CLCN2: variants seen among roughly 807,000 people sequenced by gnomAD.
The protein encoded by CLCN2 is chloride channel protein 2.
Under a neutral mutation model 108.3 loss-of-function variants are expected in CLCN2, and 72 were observed. The ratio of observed to expected loss-of-function variants is 0.66; its 90% CI spans 0.55 to 0.81. The LOEUF (loss-of-function observed/expected upper bound fraction) is 0.81, where lower values mean the gene tolerates loss of function less well. CLCN2 is among the 30% of genes least tolerant of loss of function. The pLI is 0.00. For missense variants in CLCN2, 1,048 were observed against 1,205.2 expected (o/e 0.87, Z 1.93); for synonymous variants, 471 against 467.1 (o/e 1.01, Z -0.11).
chr3:184,350,824 A>G (rs887290155), intron 22 of CLCN2, among the ~76,000 whole-genome samples: 1 of 152,192 alleles, frequency 6.6e-6, no homozygotes, highest in Non-Finnish European at 1.5e-5. Context: ...GAGGATCGCA[A>G]TATCTAAGTG....
intron 22 of CLCN2, among the ~76,000 whole-genome samples, chr3:184,351,487 C>T (rs921394983): frequency 2.0e-5 from 3 of 152,198 alleles, no homozygotes; most frequent in South Asian, 2.1e-4. Flanking sequence ...AGTTTTCCTT[C>T]GGCCCACATT....
intron 10 of CLCN2, 181 bp downstream of exon 10, chr3:184,356,812 C>A (rs1448683718): frequency 6.3e-6 from 4 of 630,794 alleles, no homozygotes; most frequent in Non-Finnish European, 1.1e-5. Context: ...TTAAAAATGC[C>A]AATTTTCAGG....
rs1370370740 is a variant in CLCN2 at position 184,352,457 on chromosome 3, G to A, written c.2257C>T (p.Arg753Ter). The A allele has an allele frequency of 6.8e-6, 11 of 1,613,274 alleles. No homozygotes were observed. Among genetic ancestry groups the A allele is most frequent in the South Asian group, 2.2e-5 (2 of 90,990 alleles). Residue 753 changes from arginine to a stop codon, truncating the protein, a stop_gained, in exon 20 of 24, where the codon CGA becomes TGA. Transcript: ENST00000265593. LOFTEE classifies it high-confidence loss of function. The part of the protein sequence containing the change: ...SCEKRKLKRV[R>*]ISLASDADLE... Reference sequence around the variant, plus strand: ...GGCATACTTACTGCCAGGGAGATTCGGACACGCTTCAGCTTGCGCTTCTCA... The same window carrying A: ...GGCATACTTACTGCCAGGGAGATTCAGACACGCTTCAGCTTGCGCTTCTCA...
At chr3:184,351,888 C>T (rs1168984334) in intron 22 of CLCN2, 125 bp downstream of exon 22, 4 of 782,816 alleles carry the variant, frequency 5.1e-6, no homozygotes, top group Middle Eastern at 3.4e-4. Context: ...AACATCTCCG[C>T]ACTGAGCCAA....
Position 184,355,684 on chromosome 3 carries a change from C to T in CLCN2, c.1170+10G>A. On this transcript the variant is annotated intron_variant, in intron 11 of 23. Coordinates refer to ENST00000265593, the MANE Select transcript of CLCN2 (RefSeq NM_004366.6). This position sits in a 1 kb window ranked among gnomAD's most constrained non-coding sequence, Gnocchi z 6.3. ...GGAAAGCACAAAACTCCTGTTCTGC[C>T]TGTGGTTACCTGTCCAGCCATGAAC... 1 of 1,613,958 alleles carries T rather than the reference C, an allele frequency of 6.2e-7. No homozygotes were observed. Among genetic ancestry groups the T allele is most frequent in the Non-Finnish European group, 8.5e-7 (1 of 1,179,846 alleles).
chr3:184,351,948 G>A (rs1238914897), intron 22 of CLCN2, 65 bp downstream of exon 22: 3 of 1,212,712 alleles, frequency 2.5e-6, no homozygotes, highest in Non-Finnish European at 2.4e-6. Flanking sequence ...AACTTGTAGG[G>A]GGACCAAGAT....
At chr3:184,347,257 G>A (rs551817824) in intron 22 of CLCN2, 36 of 574,528 alleles carry the variant, frequency 6.3e-5, no homozygotes, top group African/African-American at 1.5e-4. Context: ...TTACACTGAC[G>A]GAGAAATAGG....
intron 3 of CLCN2, 150 bp downstream of exon 3, chr3:184,358,532 G>T: frequency 8.4e-7 from 1 of 1,189,430 alleles, no homozygotes; most frequent in Non-Finnish European, 1.2e-6. Context: ...GGGAGTGGCC[G>T]AGATGATGCC....
rs1331258576 is a variant in CLCN2, at chr3:184,357,680, C to T, written c.712G>A (p.Glu238Lys). The T allele has an allele frequency of 1.2e-6, 2 of 1,613,994 alleles. No individual in the cohort carries two copies. Among genetic ancestry groups the T allele is most frequent in the African/African-American group, 1.3e-5 (1 of 74,942 alleles). Residue 238 changes from glutamate to lysine, a missense_variant, in exon 7 of 24, where the codon GAG becomes AAG. Physicochemically the swap from Glu to Lys is moderately conservative, Grantham distance 56 (BLOSUM62 1). Coordinates refer to ENST00000265593, the MANE Select transcript of CLCN2 (RefSeq NM_004366.6). Reference protein sequence around the residue: ...GIYENESRNTEMLAAACAVGV... With the variant: ...GIYENESRNTKMLAAACAVGV... ...ACGGCACAGGCGGCAGCCAGCATCT[C>T]TGTGTTCCGGGATTCATTCTGGCGA... is the stretch of plus-strand genomic sequence containing the variant.
rs370199115 is a variant in CLCN2, at chr3:184,357,839, G to C, written c.633C>G (p.Ile211Met). 7.4e-6 allele frequency: 12 copies of C among 1,613,856 alleles called. No homozygotes were observed. The Admixed American group carries it at 2.0e-4, about 27-fold the overall frequency. Residue 211 changes from isoleucine (I) to methionine (M), a missense_variant, in exon 6 of 24, where the codon ATC becomes ATG. Ile to Met is a conservative substitution (Grantham distance 10). Transcript: ENST00000265593. ...PLGKEGPFVH[I>M]ASMCAALLSK... The stretch of plus-strand genomic sequence containing the variant: ...TGAGAAGGGCAGCACACATGCTTGC[G>C]ATATGCACAAAAGGGCCCTGCGGGG...
chr3:184,354,822 C>T (rs1396832487), intron 13 of CLCN2, 82 bp downstream of exon 13: 1 of 1,519,664 alleles, frequency 6.6e-7, no homozygotes, highest in Non-Finnish European at 9.1e-7. Context: ...CAAAAACCCG[C>T]TCTTGGGCAG....
At chr3:184,356,851 T>C (rs1728590508) in intron 10 of CLCN2, 142 bp downstream of exon 10, 3 of 688,274 alleles carry the variant, frequency 4.4e-6, no homozygotes, top group Admixed American at 2.2e-5. Context: ...AAATGCTCAG[T>C]CAGCCTGGAA....
rs863225248 is a variant in CLCN2, at chr3:184,357,981, C to G, written c.596G>C (p.Gly199Ala). The G allele has an allele frequency of 6.2e-7, 1 of 1,613,946 alleles. No homozygotes were observed. The highest frequency in any genetic ancestry group is 1.3e-5 in the African/African-American group (1 of 74,934). Residue 199 changes from glycine (G) to alanine (A), a missense_variant, in exon 5 of 24, where the codon GGG becomes GCG. Transcript: ENST00000265593. ...AGTTACCTCTTTGCCAAGCGGCATC[C>G]CGCTGCCTAGGGCGCAGGTCAGCCC... ...VIGLTCALGS[G>A]MPLGKEGPFV...
chr3:184,356,943 G>A (rs746865807), intron 10 of CLCN2, 50 bp downstream of exon 10: 2 of 1,305,894 alleles, frequency 1.5e-6, no homozygotes, highest in South Asian at 2.4e-5. Flanking sequence ...GACCTACTGT[G>A]GCCCTTATAC....
chr3:184,357,408 G>A lies in CLCN2; in HGVS notation c.852C>T (p.Phe284=). 6.2e-7 allele frequency: 1 copy of A among 1,614,098 alleles called. No homozygotes were observed. The highest frequency in any genetic ancestry group is 8.5e-7 in the Non-Finnish European group (1 of 1,180,018). The part of the protein sequence containing the change: ...NYWRGFFAAT[F]SAFIFRVLAV... ...CCAAGACCCGGAAGATGAAGGCACTGAAGGTGGCAGCGAAGAAGCCCCGCC... is the reference window on the plus strand; with the variant it reads ...CCAAGACCCGGAAGATGAAGGCACTAAAGGTGGCAGCGAAGAAGCCCCGCC... The change falls in exon 8 of 24, where the codon TTC becomes TTT. Residue 284 remains phenylalanine, a synonymous_variant. Coordinates refer to ENST00000265593, the MANE Select transcript of CLCN2 (RefSeq NM_004366.6).
rs745531587 is a variant in CLCN2, at chr3:184,354,095, C to T, written c.1721+6G>A. ...CACAGCCCCCTTGGCACCCAGCCCT[C>T]CGTACTGGTGGCGGCCCCAGCCGAG... On this transcript the variant is annotated splice_donor_region_variant and intron_variant, in intron 15 of 23. Coordinates refer to ENST00000265593, the MANE Select transcript of CLCN2 (RefSeq NM_004366.6). The T allele has an allele frequency of 2.6e-5, 42 of 1,611,300 alleles. No homozygotes were observed. Among genetic ancestry groups the T allele is most frequent in the Non-Finnish European group, 3.5e-5 (41 of 1,179,524 alleles).
At position 184,352,325 on chromosome 3, in the gene CLCN2, C is replaced by T. The variant is rs373109365; in HGVS notation, c.2278G>A (p.Ala760Thr). 9.9e-6 allele frequency: 16 copies of T among 1,613,712 alleles called. No individual in the cohort carries two copies. The highest frequency in any genetic ancestry group is 1.4e-5 in the Non-Finnish European group (16 of 1,180,028). The change falls in exon 21 of 24, where the codon GCG becomes ACG. Residue 760 changes from alanine to threonine, a missense_variant. Ala to Thr is a moderately conservative substitution (Grantham distance 58). Transcript: ENST00000265593. ...KRVRISLASD[A>T]DLEGEMSPEE... ...GGGCTCATCTCGCCTTCCAGGTCCG[C>T]GTCACTCTAGTAGAGAGGGAGGGAG...
In CLCN2 at chr3:184,357,633, C is replaced by T. The variant is rs747776384; in HGVS notation, c.759G>A (p.Ala253=). ...AGCCCTGCCTACCTCCAATAGGTGC[C>T]GCGAAGCAGCAGCCCACCCCCACGG... The part of the protein sequence containing the change: ...ACAVGVGCCF[A]APIGGVLFSI... The change falls in exon 7 of 24, where the codon GCG becomes GCA. Residue 253 remains alanine, a synonymous_variant. Transcript: ENST00000265593. The T allele has an allele frequency of 5.0e-6, 8 of 1,613,984 alleles. No individual in the cohort carries two copies. The highest frequency in any genetic ancestry group is 1.7e-5 in the Admixed American group (1 of 60,032).
rs1302473810 is a variant in CLCN2 at position 184,361,280 on chromosome 3, G to C, written c.63+137C>G. 6 of 966,834 alleles carry C rather than the reference G, an allele frequency of 6.2e-6. No individual in the cohort carries two copies. The African/African-American group carries it at 9.6e-5, about 15-fold the overall frequency. 59.9% of individuals were successfully genotyped at this position (966,834 alleles called of 1,614,324 possible). A position where few individuals can be genotyped will look rare whatever the true frequency, so the allele number is the denominator to read the frequency against. The stretch of plus-strand genomic sequence containing the variant: ...CCATCCCTTCGGCCCTGCAGCCTCA[G>C]ACTTCCAAGCCTCAGTTTCCCCAGC... On this transcript the variant is annotated intron_variant, in intron 1 of 23. Coordinates refer to ENST00000265593, the MANE Select transcript of CLCN2 (RefSeq NM_004366.6). This position sits in a 1 kb window ranked among gnomAD's most constrained non-coding sequence, Gnocchi z 6.6.
Sources: gnomAD v4.1 joint callset for allele counts (sites outside exome capture counted in the v4.1 genomes callset) on GRCh38, gnomAD v4.1.1 for gene constraint, Gnocchi (gnomAD v3.1) non-coding constraint, MANE v1.5 for transcripts, NCBI Gene and HGNC (gene_info 2026-07-23, HGNC 2026-07-21) for gene names.